Variants in YWHAE observed in about 807,000 individuals in gnomAD.
YWHAE encodes the protein 14-3-3 protein epsilon.
YWHAE carries 4 observed loss-of-function variants against 30.1 expected under a neutral mutation model. The ratio of observed to expected loss-of-function variants is 0.13; its 90% confidence interval spans 0.07 to 0.30. The LOEUF is 0.30. Among genes scored for constraint, YWHAE ranks in the 10% least tolerant of loss-of-function variants. The pLI is 1.00. For synonymous variants in YWHAE, 118 were observed against 111.8 expected (o/e 1.06, Z -0.35); for missense variants, 121 against 315.9 (o/e 0.38, Z 4.68).
chr17:1,376,894 C>T (rs1427351566), intron 1 of YWHAE, among the ~76,000 whole-genome samples: 1 of 151,736 alleles, frequency 6.6e-6, no homozygotes, highest in Admixed American at 6.6e-5. Flanking sequence ...GATTAATGTT[C>T]CTCTTACCAA....
At chr17:1,376,561 T>G (rs1352818337) in intron 1 of YWHAE, among the ~76,000 whole-genome samples, 1 of 151,612 alleles carries the variant, frequency 6.6e-6, no homozygotes, top group Non-Finnish European at 1.5e-5. Context: ...CTCCAACTCC[T>G]GGGCTCAAGC....
intron 1 of YWHAE, among the ~76,000 whole-genome samples, chr17:1,374,243 G>A (rs1431384464): frequency 2.6e-5 from 4 of 151,950 alleles, no homozygotes; most frequent in African/African-American, 4.8e-5. Context: ...GCTTGAACAC[G>A]GGAGGCGGAG....
intron 1 of YWHAE, among the ~76,000 whole-genome samples, chr17:1,385,994 A>T (rs1005921817): frequency 8.5e-5 from 13 of 152,170 alleles, no homozygotes; most frequent in African/African-American, 2.4e-4. Flanking sequence ...TCCGAAGTGG[A>T]AGGAGTACCA....
chr17:1,378,522 C>T (rs974092259), intron 1 of YWHAE, among the ~76,000 whole-genome samples: 8 of 152,186 alleles, frequency 5.3e-5, no homozygotes, highest in African/African-American at 1.4e-4. Context: ...TTTTCTAAAA[C>T]GATTATCACG....
At chr17:1,378,592 T>C (rs1000810849) in intron 1 of YWHAE, among the ~76,000 whole-genome samples, 3 of 152,308 alleles carry the variant, frequency 2.0e-5, no homozygotes, top group East Asian at 3.9e-4. Context: ...CTAAAAAGCA[T>C]GTCTAAAAAG....
chr17:1,377,256 T>C (rs2073140548), intron 1 of YWHAE, among the ~76,000 whole-genome samples: 1 of 152,126 alleles, frequency 6.6e-6, no homozygotes, highest in African/African-American at 2.4e-5. Context: ...CTAAGAGTAA[T>C]GTTCCTAAAG....
intron 4 of YWHAE, among the ~76,000 whole-genome samples, chr17:1,355,148 A>AAAAAAAAAATTT (rs1555639303): frequency 1.3e-5 from 1 of 76,794 alleles, no homozygotes; most frequent in Non-Finnish European, 2.7e-5. Context: ...AAAAAAAAAA[A>AAAAAAAAAATTT]TTTTTTTTTT....
chr17:1,361,373 A>G, intron 3 of YWHAE, 75 bp from the exon 4 acceptor site: 2 of 1,220,470 alleles, frequency 1.6e-6, no homozygotes, highest in Non-Finnish European at 2.3e-6. Context: ...ATAAGCTAAA[A>G]TTGTTCTATA....
At chr17:1,382,900 CTG>C (rs2073237512) in intron 1 of YWHAE, among the ~76,000 whole-genome samples, 2 of 151,578 alleles carry the variant, frequency 1.3e-5, no homozygotes, top group Admixed American at 1.3e-4. Context: ...TGGCATATGA[CTG>C]TAATTCCAGC....
intron 4 of YWHAE, among the ~76,000 whole-genome samples, chr17:1,356,987 G>A (rs1271071485): frequency 1.3e-5 from 2 of 148,292 alleles, no homozygotes; most frequent in Admixed American, 6.8e-5. Context: ...AAACCAAAAG[G>A]GGCCGGGCGC....
chr17:1,396,225 G>A (rs1034443180), intron 1 of YWHAE, among the ~76,000 whole-genome samples: 1 of 152,022 alleles, frequency 6.6e-6, no homozygotes, highest in African/African-American at 2.4e-5. Context: ...TTCGAGACCA[G>A]CCTGACCAAC....
chr17:1,385,353 C>A (rs531363503), intron 1 of YWHAE, among the ~76,000 whole-genome samples: 1 of 152,254 alleles, frequency 6.6e-6, no homozygotes, highest in African/African-American at 2.4e-5. Context: ...CCCCTGTGAT[C>A]AGTCCCCCAG....
At position 1,393,531 on chromosome 17, in the gene YWHAE, A is replaced by G. The variant is rs531779342; in HGVS notation, c.64+6516T>C. ...CTGCAATCTCCACCTCCCAGGGTCA[A>G]GCGATTTCCCACCTCAGCCTCCTCA... On this transcript the variant is annotated intron_variant, in intron 1 of 5. Coordinates refer to ENST00000264335, the MANE Select transcript of YWHAE (RefSeq NM_006761.5). 1.6e-3 allele frequency among the ~76,000 whole-genome samples: 240 copies of G among 152,202 alleles called. 2 individuals are homozygous for G. The highest frequency in any genetic ancestry group is 5.3e-3 in the African/African-American group (222 of 41,540).
At chr17:1,356,960 A>C (rs1212886828) in intron 4 of YWHAE, among the ~76,000 whole-genome samples, 1 of 151,360 alleles carries the variant, frequency 6.6e-6, no homozygotes, top group Non-Finnish European at 1.5e-5. Context: ...AAACAAACCA[A>C]AAAAAAACAC....
At chr17:1,350,741 A>C (rs918940882) in intron 5 of YWHAE, among the ~76,000 whole-genome samples, 5 of 150,786 alleles carry the variant, frequency 3.3e-5, no homozygotes, top group Admixed American at 2.0e-4. Context: ...TGTGCCCAGC[A>C]TATGTTTTTA....
chr17:1,362,607 CA>C (rs748247206), intron 2 of YWHAE, among the ~76,000 whole-genome samples: 21 of 152,100 alleles, frequency 1.4e-4, no homozygotes, highest in Non-Finnish European at 2.6e-4. Flanking sequence ...TACTGCCACC[CA>C]TCTCTATCCA....
intron 1 of YWHAE, among the ~76,000 whole-genome samples, chr17:1,373,511 A>C (rs1398475387): frequency 6.9e-6 from 1 of 145,042 alleles, no homozygotes; most frequent in Non-Finnish European, 1.5e-5. Flanking sequence ...TAAATATACA[A>C]TAAAAAATTA....
At chr17:1,384,376 C>A (rs943678410) in intron 1 of YWHAE, among the ~76,000 whole-genome samples, 1 of 151,646 alleles carries the variant, frequency 6.6e-6, no homozygotes, top group Non-Finnish European at 1.5e-5. Flanking sequence ...CATCTCAAAA[C>A]ATTAAGAGTA....
chr17:1,387,601 G>C (rs1170604006), intron 1 of YWHAE, among the ~76,000 whole-genome samples: 1 of 151,924 alleles, frequency 6.6e-6, no homozygotes, highest in East Asian at 1.9e-4. Context: ...AAGTGGTTGA[G>C]AGTGTTAAGC....
Sources: allele counts gnomAD v4.1 joint callset (sites outside exome capture counted in the v4.1 genomes callset), GRCh38; gene constraint gnomAD v4.1.1; transcripts MANE v1.5; gene names NCBI Gene and HGNC (gene_info 2026-07-23, HGNC 2026-07-21).